Variants in TSPOAP1 observed in about 807,000 individuals in gnomAD.
TSPOAP1 encodes peripheral-type benzodiazepine receptor-associated protein 1.
A neutral mutation model predicts 197.0 loss-of-function variants in TSPOAP1; 87 were observed. The observed-to-expected ratio is 0.44, with a 90% CI of 0.37 to 0.53. TSPOAP1 has a LOEUF of 0.53. Among genes scored for constraint, TSPOAP1 ranks in the 20% least tolerant of loss-of-function variants. The pLI, the probability that TSPOAP1 is intolerant of heterozygous loss-of-function variation, is 0.00. For synonymous variants in TSPOAP1, 913 were observed against 998.9 expected, an observed-to-expected ratio of 0.91 and a Z score of 1.62; for missense variants, 2,174 against 2,411.3, an observed-to-expected ratio of 0.90 and a Z score of 2.06.
Position 58,323,224 on chromosome 17 carries a change from T to C in TSPOAP1, c.1104+74A>G. 5 of 1,566,368 alleles carry C rather than the reference T, an allele frequency of 3.2e-6. No homozygotes were observed. The Admixed American group carries it at 8.4e-5, about 26-fold the overall frequency. ...AGGGCAGCAGGGGTGGGAGCAGAGC[T>C]GAGAGGGAGCCCACCACCTGGCTGG... On this transcript the variant is annotated intron_variant, in intron 7 of 31. Transcript: ENST00000343736.
intron 16 of TSPOAP1, 144 bp from the exon 17 acceptor site, chr17:58,312,866 T>C: frequency 1.5e-6 from 1 of 673,308 alleles, no homozygotes; most frequent in Non-Finnish European, 2.5e-6. Flanking sequence ...TGTCAATTCT[T>C]TTAAAAGACA....
chr17:58,319,389 C>T lies in TSPOAP1; in HGVS notation c.1495-95G>A. The T allele has an allele frequency of 2.2e-6, 3 of 1,338,080 alleles. No homozygotes were observed. In the East Asian group the frequency reaches 7.6e-5, roughly 34 times the overall value. The allele number at this position is 1,338,080 out of a possible 1,614,324, so 82.9% of individuals were successfully genotyped here. A position where few individuals can be genotyped will look rare whatever the true frequency, so the allele number is the denominator to read the frequency against. ...CACAGCCCTACACTGGGTTTCAGGT[C>T]ATATCCATCCACCCAGCCCCAGGCC... On this transcript the variant is annotated intron_variant, in intron 12 of 31. Transcript: ENST00000343736.
At chr17:58,320,388 G>A (rs1051550771) in intron 11 of TSPOAP1, 143 bp downstream of exon 11, 76 of 1,067,372 alleles carry the variant, frequency 7.1e-5, no homozygotes, top group Non-Finnish European at 6.6e-5. Context: ...AGTGGTGGAG[G>A]GGACTCCCCC....
chr17:58,310,706 C>T lies in TSPOAP1; in HGVS notation c.3505G>A (p.Ala1169Thr). The T allele has an allele frequency of 1.2e-6, 2 of 1,612,908 alleles. No homozygotes were observed. The highest frequency in any genetic ancestry group is 8.5e-7 in the Non-Finnish European group (1 of 1,179,986). ...TTCTCACCCAGGGTAGATGTGCTGGCTGTCCTCTCCTCTGAGGTGCCCAGC... is the reference window on the plus strand; with the variant it reads ...TTCTCACCCAGGGTAGATGTGCTGGTTGTCCTCTCCTCTGAGGTGCCCAGC... ...AVLGTSEERT[A>T]STSTLGEKDP... Residue 1169 changes from alanine to threonine, a missense_variant, in exon 20 of 32, where the codon GCC becomes ACC. Physicochemically the swap from Ala to Thr is moderately conservative, Grantham distance 58. This residue lies in a region of TSPOAP1 where 1,933 missense variants were observed against 2,139.0 expected (regional missense o/e 0.90). Transcript: ENST00000343736.
In TSPOAP1 at chr17:58,304,105, A is replaced by T. The variant is rs565694419; in HGVS notation, c.*32+233T>A. 1 of 522,712 alleles carries T rather than the reference A, an allele frequency of 1.9e-6. No homozygotes were observed. Among genetic ancestry groups the T allele is most frequent in the Non-Finnish European group, 3.4e-6 (1 of 290,402 alleles). The allele number at this position is 522,712 out of a possible 1,614,324, so 32.4% of individuals were successfully genotyped here. The stretch of plus-strand genomic sequence containing the variant: ...ATATGGGACATCACACACTAAGATG[A>T]CATGTAATCCTATGACAGCTGGCAC... On this transcript the variant is annotated intron_variant, in intron 31 of 31. Coordinates refer to ENST00000343736, the MANE Select transcript of TSPOAP1 (RefSeq NM_004758.4). The surrounding 1 kb of genome is among the most constrained non-coding windows in gnomAD (Gnocchi z 4.2).
Position 58,324,966 on chromosome 17 carries a change from G to T in TSPOAP1, c.787C>A (p.Arg263=). 1 of 1,539,144 alleles carries T rather than the reference G, an allele frequency of 6.5e-7. No individual in the cohort carries two copies. Among genetic ancestry groups the T allele is most frequent in the South Asian group, 1.2e-5 (1 of 83,534 alleles). ...PQWLHVRDFD[R]LLRESQREVL... ...TCCCGCTGGGACTCGCGCAGCAGCC[G>T]ATCGAAGTCCCGCACGTGGAGCCAC... The change falls in exon 5 of 32, where the codon CGG becomes AGG. Residue 263 remains arginine (R), a synonymous_variant. Transcript: ENST00000343736. This position sits in a 1 kb window ranked among gnomAD's most constrained non-coding sequence, Gnocchi z 5.8.
Position 58,306,432 on chromosome 17 carries a change from G to A in TSPOAP1, c.5153-19C>T. 3 of 1,550,622 alleles carry A rather than the reference G, an allele frequency of 1.9e-6. No individual in the cohort carries two copies. Among genetic ancestry groups the A allele is most frequent in the Non-Finnish European group, 2.6e-6 (3 of 1,145,720 alleles). ...CCATTCCCTGATCCAGAAAAGCAGAGAGAAAGCGAGGCAGGGGAGGTGGGA... is the reference window on the plus strand; with the variant it reads ...CCATTCCCTGATCCAGAAAAGCAGAAAGAAAGCGAGGCAGGGGAGGTGGGA... On this transcript the variant is annotated intron_variant, in intron 25 of 31. Coordinates refer to ENST00000343736, the MANE Select transcript of TSPOAP1 (RefSeq NM_004758.4).
At position 58,304,291 on chromosome 17, in the gene TSPOAP1, G is replaced by C; in HGVS notation, c.*32+47C>G. On this transcript the variant is annotated intron_variant, in intron 31 of 31. Coordinates refer to ENST00000343736, the MANE Select transcript of TSPOAP1 (RefSeq NM_004758.4). The surrounding 1 kb of genome is among the most constrained non-coding windows in gnomAD (Gnocchi z 4.2). ...GACAAAGGAGCACTGTCTGATTATG[G>C]TCAAGTGGGGGTGGACGGTCACACA... is the stretch of plus-strand genomic sequence containing the variant. 6.6e-7 allele frequency: 1 copy of C among 1,517,524 alleles called. No homozygotes were observed. The highest frequency in any genetic ancestry group is 9.1e-7 in the Non-Finnish European group (1 of 1,093,682). The allele number at this position is 1,517,524 out of a possible 1,614,324, so 94.0% of individuals were successfully genotyped here. A position where few individuals can be genotyped will look rare whatever the true frequency, so the allele number is the denominator to read the frequency against.
Position 58,312,436 on chromosome 17 carries a change from GC to G in TSPOAP1, c.2384del (p.Arg795ProfsTer33). On this transcript the variant is annotated frameshift_variant, in exon 17 of 32. Coordinates refer to ENST00000343736, the MANE Select transcript of TSPOAP1 (RefSeq NM_004758.4). LOFTEE classifies it high-confidence loss of function. ...CCAGCTGCTTGAGGACCACCAGACG[GC>G]GGGGGTAAGGCACGGCAGGAGGCTC... Reference protein sequence around the residue: ...LGEPPAVPYPRRLVVLKQLAH... With the variant: ...LGEPPAVPYPXRLVVLKQLAH... The G allele has an allele frequency of 6.2e-7, 1 of 1,613,176 alleles. No homozygotes were observed. The highest frequency in any genetic ancestry group is 8.5e-7 in the Non-Finnish European group (1 of 1,179,828).
Position 58,324,899 on chromosome 17 carries a change from C to G in TSPOAP1, c.854G>C (p.Arg285Pro), listed in dbSNP as rs1367546259. 12 of 1,534,822 alleles carry G rather than the reference C, an allele frequency of 7.8e-6. No homozygotes were observed. The East Asian group carries it at 2.9e-4, about 38-fold the overall frequency. ...GGACGGCGGGAGCGGGAGCGTCTCCCGCTGGTTGCGCAGCGCGATCTGCCT... is the reference window on the plus strand; with the variant it reads ...GGACGGCGGGAGCGGGAGCGTCTCCGGCTGGTTGCGCAGCGCGATCTGCCT... The part of the protein sequence containing the change: ...LQRQIALRNQ[R>P]ETLPLPPSWP... The change falls in exon 5 of 32, where the codon CGG (arginine) becomes CCG (proline). Residue 285 changes from arginine (R) to proline (P), a missense_variant. By Grantham distance (103) the Arg-to-Pro change is moderately radical. Transcript: ENST00000343736. This position sits in a 1 kb window ranked among gnomAD's most constrained non-coding sequence, Gnocchi z 5.8.
Position 58,323,529 on chromosome 17 carries a change from T to A in TSPOAP1, c.959A>T (p.Asp320Val). Residue 320 changes from aspartate to valine, a missense_variant, in exon 6 of 32, where the codon GAT (aspartate) becomes GTT (valine). Asp to Val is a radical substitution (Grantham distance 152). This residue lies in a region of TSPOAP1 where 1,933 missense variants were observed against 2,139.0 expected (regional missense o/e 0.90). Coordinates refer to ENST00000343736, the MANE Select transcript of TSPOAP1 (RefSeq NM_004758.4). ...TAGAATCACGGGTAGGTTGTCCGCATCCTCCTGGGGCGTGGCCTGGAAATG... is the reference window on the plus strand; with the variant it reads ...TAGAATCACGGGTAGGTTGTCCGCAACCTCCTGGGGCGTGGCCTGGAAATG... ...GAPGEATPQE[D>V]ADNLPVILGE... 6.2e-7 allele frequency: 1 copy of A among 1,614,052 alleles called. No homozygotes were observed. Among genetic ancestry groups the A allele is most frequent in the South Asian group, 1.1e-5 (1 of 91,080 alleles).
Position 58,308,151 on chromosome 17 carries a change from G to A in TSPOAP1, c.4732-210C>T, listed in dbSNP as rs575899840. Among the ~76,000 whole-genome samples the A allele has an allele frequency of 2.2e-4, 33 of 152,278 alleles. No homozygotes were observed. The South Asian group carries it at 6.6e-3, about 31-fold the overall frequency. On this transcript the variant is annotated intron_variant, in intron 22 of 31. Transcript: ENST00000343736. ...AGGGGAGGCCCCAGCCCCAGCCTGC[G>A]AGTAGATGAATGGAGTAGAGGGGAC...
At position 58,304,632 on chromosome 17, in the gene TSPOAP1, G is replaced by A. The variant is rs1342000022; in HGVS notation, c.5545-233C>T. 2.2e-5 allele frequency: 13 copies of A among 587,308 alleles called. No individual in the cohort carries two copies. Among genetic ancestry groups the A allele is most frequent in the Non-Finnish European group, 3.4e-5 (11 of 327,800 alleles). The allele number at this position is 587,308 out of a possible 1,614,324, so 36.4% of individuals were successfully genotyped here. On this transcript the variant is annotated intron_variant, in intron 30 of 31. Transcript: ENST00000343736. The surrounding 1 kb of genome is among the most constrained non-coding windows in gnomAD (Gnocchi z 4.2). ...TCACCCCAAGGAGAGGCAAGCTCAA[G>A]GAACGAGAACCCAGGAAGCTGGGCC... is the stretch of plus-strand genomic sequence containing the variant.
intron 7 of TSPOAP1, 96 bp downstream of exon 7, chr17:58,323,202 G>C: frequency 6.7e-7 from 1 of 1,500,706 alleles, no homozygotes; most frequent in Non-Finnish European, 9.2e-7. Flanking sequence ...GTTCTTGAGG[G>C]CAGCAGGGGT....
At chr17:58,316,266 C>A in intron 15 of TSPOAP1, 134 bp from the exon 16 acceptor site, 1 of 1,052,534 alleles carries the variant, frequency 9.5e-7, no homozygotes, top group Non-Finnish European at 1.4e-6. Flanking sequence ...AAAGCTGAGC[C>A]CTCACTGCAC....
rs1183492938 is a variant in TSPOAP1 at position 58,324,216 on chromosome 17, T to C, written c.942+595A>G. Among the ~76,000 whole-genome samples the C allele has an allele frequency of 2.6e-5, 4 of 152,146 alleles. No individual in the cohort carries two copies. The highest frequency in any genetic ancestry group is 5.9e-5 in the Non-Finnish European group (4 of 68,010). Reference sequence around the variant, plus strand: ...TGCCTGGTCTCTCCTCCCAGCCCTCTTCCCAGAAGGAGGAGGACCTACTTG... The same window carrying C: ...TGCCTGGTCTCTCCTCCCAGCCCTCCTCCCAGAAGGAGGAGGACCTACTTG... On this transcript the variant is annotated intron_variant, in intron 5 of 31. Coordinates refer to ENST00000343736, the MANE Select transcript of TSPOAP1 (RefSeq NM_004758.4). The surrounding 1 kb of genome is among the most constrained non-coding windows in gnomAD (Gnocchi z 5.8).
intron 13 of TSPOAP1, 83 bp from the exon 14 acceptor site, chr17:58,318,535 G>T: frequency 7.3e-7 from 1 of 1,368,448 alleles, no homozygotes; most frequent in South Asian, 1.4e-5. Flanking sequence ...TGGATATGGG[G>T]ACCAGGCCCT....
At chr17:58,321,140 A>G (rs1428134506) in intron 10 of TSPOAP1, among the ~76,000 whole-genome samples, 1 of 152,194 alleles carries the variant, frequency 6.6e-6, no homozygotes. Flanking sequence ...CATGGCCCAA[A>G]TGGAACTCAG....
At position 58,307,740 on chromosome 17, in the gene TSPOAP1, T is replaced by C; in HGVS notation, c.4854A>G (p.Glu1618=). The C allele has an allele frequency of 6.2e-7, 1 of 1,614,118 alleles. No homozygotes were observed. The highest frequency in any genetic ancestry group is 8.5e-7 in the Non-Finnish European group (1 of 1,180,030). Residue 1618 remains glutamate, a synonymous_variant, in exon 24 of 32, where the codon GAA becomes GAG. Transcript: ENST00000343736. Reference sequence around the variant, plus strand: ...CGGGTAGGTGCTGGTAAGCCAGTGTTTCTGAGGGGCTCCTCGCAGGGACTG... The same window carrying C: ...CGGGTAGGTGCTGGTAAGCCAGTGTCTCTGAGGGGCTCCTCGCAGGGACTG... ...AELVPARSPS[E]TLAYQHLPVR...
Sources: gnomAD v4.1 joint callset for allele counts (sites outside exome capture counted in the v4.1 genomes callset) on GRCh38, gnomAD v4.1.1 for gene constraint, gnomAD v4.1.1 regional missense constraint, Gnocchi (gnomAD v3.1) non-coding constraint, MANE v1.5 for transcripts, NCBI Gene and HGNC (gene_info 2026-07-23, HGNC 2026-07-21) for gene names.